ADAM33: variants seen among roughly 807,000 people sequenced by gnomAD.
The protein encoded by ADAM33 is disintegrin and metalloproteinase domain-containing protein 33.
A neutral mutation model predicts 106.2 loss-of-function variants in ADAM33; 103 were observed. The observed-to-expected ratio is 0.97, with a 90% confidence interval of 0.83 to 1.14. The LOEUF (loss-of-function observed/expected upper bound fraction) is 1.14. Ranked by LOEUF, ADAM33 falls within the 50% of genes most tolerant of loss-of-function variation. ADAM33 has a pLI of 0.00. For synonymous variants in ADAM33, 483 were observed against 453.0 expected (o/e 1.07, Z -0.84); for missense variants, 1,120 against 1,096.6 (o/e 1.02, Z -0.30).
At chr20:3,678,315 C>G (rs1220735302) in intron 2 of ADAM33, among the ~76,000 whole-genome samples, 5 of 152,222 alleles carry the variant, frequency 3.3e-5, no homozygotes, top group Non-Finnish European at 7.3e-5. Context: ...TCTGTACCAT[C>G]TTGGCAGGCT....
At position 3,673,210 on chromosome 20, in the gene ADAM33, C is replaced by T. The variant is rs560153746; in HGVS notation, c.1133+144G>A. 445 of 1,531,918 alleles carry T rather than the reference C, an allele frequency of 2.9e-4. 6 individuals carry two copies. The Middle Eastern group carries it at 3.3e-3, about 12-fold the overall frequency. 94.9% of individuals were successfully genotyped at this position (1,531,918 alleles called of 1,614,324 possible). On this transcript the variant is annotated intron_variant, in intron 11 of 21. Transcript: ENST00000356518. The stretch of plus-strand genomic sequence containing the variant: ...TTTGCCTGAGCTTCTTCCCTTTAAG[C>T]CTCATAAACCACCCTGAAGCGGACA...
intron 2 of ADAM33, among the ~76,000 whole-genome samples, chr20:3,677,955 C>G (rs1423366756): frequency 6.6e-6 from 1 of 152,222 alleles, no homozygotes; most frequent in African/African-American, 2.4e-5. Context: ...GAATGTTTAA[C>G]CCCCGACTCC....
intron 19 of ADAM33, chr20:3,670,588 G>A (rs2146361732): frequency 5.6e-6 from 1 of 179,578 alleles, no homozygotes; most frequent in Non-Finnish European, 1.2e-5. Flanking sequence ...GGGGGTGACA[G>A]AGGTGATTTG....
At position 3,668,778 on chromosome 20, in the gene ADAM33, C is replaced by A; in HGVS notation, c.*185G>T. 7.1e-6 allele frequency: 5 copies of A among 700,994 alleles called. No individual in the cohort carries two copies. Among genetic ancestry groups the A allele is most frequent in the South Asian group, 6.4e-5 (4 of 62,266 alleles). The allele number at this position is 700,994 out of a possible 1,614,324, so 43.4% of individuals were successfully genotyped here. On this transcript the variant is annotated 3_prime_UTR_variant, in exon 22 of 22. Transcript: ENST00000356518. Reference sequence around the variant, plus strand: ...AGCAGTGTTCTCCAGCCCTCAGGAACTTCTAATGTGGCTCTGGGTTCCTGG... The same window carrying A: ...AGCAGTGTTCTCCAGCCCTCAGGAAATTCTAATGTGGCTCTGGGTTCCTGG...
chr20:3,671,066 A>C lies in ADAM33; in HGVS notation c.2180T>G (p.Leu727Arg), dbSNP rs1366589680. The change falls in exon 19 of 22, where the codon CTC becomes CGC. Residue 727 changes from leucine (L) to arginine (R), a missense_variant. By Grantham distance (102) the Leu-to-Arg change is moderately radical. Transcript: ENST00000356518. ...GCATCGCTGCAGATGGGCTCCTGGG[A>C]GTCGGTAGCAACACCAGGCCAGGCC... ...GAGLAWCCYR[L>R]PGAHLQRCSW... The C allele has an allele frequency of 1.9e-6, 3 of 1,572,002 alleles. No homozygotes were observed. In the Admixed American group the frequency reaches 5.6e-5, roughly 29 times the overall value.
chr20:3,671,903 C>T lies in ADAM33; in HGVS notation c.1680G>A (p.Glu560=), dbSNP rs753433221. 11 of 1,554,136 alleles carry T rather than the reference C, an allele frequency of 7.1e-6. No individual in the cohort carries two copies. The highest frequency in any genetic ancestry group is 3.6e-5 in the South Asian group (3 of 84,218). The part of the protein sequence containing the change: ...DAHGNCGQDS[E]GHFLPCAGRD... ...TCCCTGCACAGGGCAGGAAGTGGCC[C>T]TCGCTGTCCTGGCCGCAGTTTCCAT... Residue 560 remains glutamate (E), a synonymous_variant, in exon 15 of 22, where the codon GAG becomes GAA. Transcript: ENST00000356518.
chr20:3,672,707 C>G lies in ADAM33; in HGVS notation c.1311+14G>C. 1 of 1,584,736 alleles carries G rather than the reference C, an allele frequency of 6.3e-7. No individual in the cohort carries two copies. On this transcript the variant is annotated intron_variant, in intron 12 of 21. Transcript: ENST00000356518. ...GCGGAGAGGGCAAGTGGGGGCCGGG[C>G]GAGCCGACTTAACCTGGCCAGGGCC... is the stretch of plus-strand genomic sequence containing the variant.
In ADAM33 at chr20:3,674,054, C is replaced by A. The variant is rs1424151105; in HGVS notation, c.738+10G>T. ...ACCCCCATCACCGCTCTCTCCCCGC[C>A]GCCCCCAACCTGGTCCACGTAGTTG... On this transcript the variant is annotated intron_variant, in intron 8 of 21. Coordinates refer to ENST00000356518, the MANE Select transcript of ADAM33 (RefSeq NM_025220.5). 1 of 1,613,924 alleles carries A rather than the reference C, an allele frequency of 6.2e-7. No individual in the cohort carries two copies. Among genetic ancestry groups the A allele is most frequent in the Admixed American group, 1.7e-5 (1 of 60,010 alleles).
At chr20:3,681,632 G>T (rs1156621735) in intron 1 of ADAM33, among the ~76,000 whole-genome samples, 3 of 136,350 alleles carry the variant, frequency 2.2e-5, no homozygotes, top group Non-Finnish European at 4.8e-5. Context: ...CTGCCCCCGA[G>T]GGGGAGGGAG....
intron 19 of ADAM33, chr20:3,669,945 T>C (rs1386243620): frequency 7.5e-6 from 4 of 531,218 alleles, no homozygotes; most frequent in Non-Finnish European, 1.0e-5. Flanking sequence ...CCAAAGAACC[T>C]TGGATGTCCG....
Position 3,680,898 on chromosome 20 carries a change from G to A in ADAM33, c.97+1010C>T, listed in dbSNP as rs573257954. 2.7e-4 allele frequency among the ~76,000 whole-genome samples: 41 copies of A among 152,258 alleles called. No homozygotes were observed. In the East Asian group the frequency reaches 3.1e-3, roughly 11 times the overall value. ...AGCTGGAGCTGGAGCTCCGGTGACCGGGTGAATGGGGGTGGAACCCGAGGG... is the reference window on the plus strand; with the variant it reads ...AGCTGGAGCTGGAGCTCCGGTGACCAGGTGAATGGGGGTGGAACCCGAGGG... On this transcript the variant is annotated intron_variant, in intron 1 of 21. Coordinates refer to ENST00000356518, the MANE Select transcript of ADAM33 (RefSeq NM_025220.5).
chr20:3,678,121 A>G (rs571304815), intron 2 of ADAM33, among the ~76,000 whole-genome samples: 1 of 152,328 alleles, frequency 6.6e-6, no homozygotes, highest in Admixed American at 6.5e-5. Flanking sequence ...CTGGAATGCC[A>G]CTTGCTTTAT....
chr20:3,673,459 A>T lies in ADAM33; in HGVS notation c.1028T>A (p.Met343Lys). ...GAGGCTGTGGCCGATCTCATGGGCC[A>T]TGGTGGCTGCGGCGCCGATGGGGAG... ...SELPIGAAAT[M>K]AHEIGHSLGL... The change falls in exon 11 of 22, where the codon ATG becomes AAG. Residue 343 changes from methionine to lysine, a missense_variant. Coordinates refer to ENST00000356518, the MANE Select transcript of ADAM33 (RefSeq NM_025220.5). The T allele has an allele frequency of 6.4e-7, 1 of 1,558,316 alleles. No individual in the cohort carries two copies. Among genetic ancestry groups the T allele is most frequent in the East Asian group, 2.3e-5 (1 of 43,394 alleles).
chr20:3,674,978 G>C (rs745954223), intron 4 of ADAM33, 49 bp downstream of exon 4: 52 of 1,603,554 alleles, frequency 3.2e-5, no homozygotes, highest in Middle Eastern at 1.7e-4. Context: ...TAGGAATGGT[G>C]GGGGGGTACC....
At chr20:3,671,390 A>T in intron 17 of ADAM33, 29 bp downstream of exon 17, 1 of 1,611,154 alleles carries the variant, frequency 6.2e-7, no homozygotes, top group Non-Finnish European at 8.5e-7. Context: ...TAGGAACCCC[A>T]AGGTCACCCC....
Position 3,669,627 on chromosome 20 carries a change from C to A in ADAM33, c.2251G>T (p.Gly751Cys), listed in dbSNP as rs1600196173. The A allele has an allele frequency of 1.2e-6, 2 of 1,601,566 alleles. No individual in the cohort carries two copies. The highest frequency in any genetic ancestry group is 4.5e-5 in the East Asian group (2 of 44,492). Reference protein sequence around the residue: ...RDPACSGPKDGPHRDHPLGGV... With the variant: ...RDPACSGPKDCPHRDHPLGGV... The stretch of plus-strand genomic sequence containing the variant: ...CCCAGGGGGTGGTCCCTGTGTGGGC[C>A]ATCTTTGGGGCTGAGCAACGTGATA... The change falls in exon 20 of 22, where the codon GGC (glycine) becomes TGC (cysteine). Residue 751 changes from glycine (G) to cysteine (C), a missense_variant. Gly to Cys is a radical substitution (Grantham distance 159). Coordinates refer to ENST00000356518, the MANE Select transcript of ADAM33 (RefSeq NM_025220.5).
rs1289792544 is a variant in ADAM33, at chr20:3,669,805, G to A, written c.2241-168C>T. 9.8e-6 allele frequency: 7 copies of A among 717,484 alleles called. No homozygotes were observed. In the East Asian group the frequency reaches 1.9e-4, roughly 19 times the overall value. The allele number at this position is 717,484 out of a possible 1,614,324, so 44.4% of individuals were successfully genotyped here. On this transcript the variant is annotated intron_variant, in intron 19 of 21. Transcript: ENST00000356518. ...AGCTCCCTTCCTGCTCCCTCTTCAG[G>A]GGAGCCTTGGGATCCAGGCTCCAAG... is the stretch of plus-strand genomic sequence containing the variant.
intron 3 of ADAM33, among the ~76,000 whole-genome samples, chr20:3,676,534 G>T (rs2087975698): frequency 6.6e-6 from 1 of 151,746 alleles, no homozygotes; most frequent in African/African-American, 2.4e-5. Flanking sequence ...TACCTCCGGG[G>T]TTCAAGCGAT....
intron 2 of ADAM33, among the ~76,000 whole-genome samples, chr20:3,678,999 C>G (rs1000814251): frequency 5.3e-5 from 8 of 152,180 alleles, no homozygotes; most frequent in South Asian, 2.1e-4. Context: ...ACTGCCCCCC[C>G]GATACCAGAA....
Sources: allele counts gnomAD v4.1 joint callset (sites outside exome capture counted in the v4.1 genomes callset), GRCh38; gene constraint gnomAD v4.1.1; transcripts MANE v1.5; gene names NCBI Gene and HGNC (gene_info 2026-07-23, HGNC 2026-07-21).